The following FHIT variants were observed in gnomAD, a reference collection of about 807,000 sequenced individuals.
The protein encoded by FHIT is fragile histidine triad diadenosine triphosphatase, also known as bis(5'-adenosyl)-triphosphatase.
In FHIT, 19 loss-of-function variants were observed where a neutral mutation model predicts 17.9. The ratio of observed to expected loss-of-function variants is 1.06; its 90% CI spans 0.74 to 1.56. The LOEUF is 1.56. Among genes scored for constraint, FHIT ranks in the 40% most tolerant of loss-of-function variants. FHIT has a pLI of 0.00. For missense variants in FHIT, 248 were observed against 189.2 expected (o/e 1.31, Z -1.82); for synonymous variants, 81 against 69.7 (o/e 1.16, Z -0.81).
intron 7 of FHIT, among the ~76,000 whole-genome samples, chr3:59,952,241 C>G (rs1056586526): frequency 6.6e-6 from 1 of 152,104 alleles, no homozygotes; most frequent in Non-Finnish European, 1.5e-5. Flanking sequence ...TTATGTAACA[C>G]CTCTTTCCTG....
At chr3:59,952,404 G>C (rs1188880168) in intron 7 of FHIT, among the ~76,000 whole-genome samples, 5 of 150,992 alleles carry the variant, frequency 3.3e-5, no homozygotes, top group African/African-American at 1.2e-4. Flanking sequence ...CCCACTCCCA[G>C]TCAGCCATCT....
chr3:59,775,377 A>T (rs1274722697), intron 8 of FHIT, among the ~76,000 whole-genome samples: 1 of 152,188 alleles, frequency 6.6e-6, no homozygotes, highest in Non-Finnish European at 1.5e-5. Flanking sequence ...AAGGTCTGAA[A>T]ATCTAGTTGT....
chr3:60,752,127 G>T (rs1553717003), intron 4 of FHIT, among the ~76,000 whole-genome samples: 2 of 152,136 alleles, frequency 1.3e-5, no homozygotes, highest in Non-Finnish European at 2.9e-5. Context: ...GTATTCCATA[G>T]TCTTCAAATT....
At chr3:59,882,288 A>G (rs557278629) in intron 8 of FHIT, among the ~76,000 whole-genome samples, 41 of 152,318 alleles carry the variant, frequency 2.7e-4, no homozygotes, top group Non-Finnish European at 4.4e-4. Flanking sequence ...TAAAGTTAAT[A>G]TCGTTTATGA....
chr3:59,893,770 A>C (rs1391175360), intron 8 of FHIT, among the ~76,000 whole-genome samples: 1 of 152,218 alleles, frequency 6.6e-6, no homozygotes, highest in Non-Finnish European at 1.5e-5. Context: ...CGTCCACAGC[A>C]GCCCCATGAT....
intron 5 of FHIT, among the ~76,000 whole-genome samples, chr3:60,101,289 G>C (rs1039740673): frequency 3.3e-5 from 5 of 152,232 alleles, no homozygotes; most frequent in Admixed American, 3.3e-4. Flanking sequence ...GCACTGTACA[G>C]ATGGCCATGT....
At chr3:60,421,968 T>A (rs998178199) in intron 5 of FHIT, among the ~76,000 whole-genome samples, 2 of 152,044 alleles carry the variant, frequency 1.3e-5, no homozygotes, top group Non-Finnish European at 2.9e-5. Context: ...GAGGCAAAGG[T>A]AAAAGATTAG....
intron 5 of FHIT, among the ~76,000 whole-genome samples, chr3:60,522,358 C>T (rs892492106): frequency 2.0e-5 from 3 of 152,154 alleles, no homozygotes; most frequent in South Asian, 2.1e-4. Flanking sequence ...TGATCACCTG[C>T]CTCAGCCTCC....
chr3:59,836,613 A>G (rs928556587), intron 8 of FHIT, among the ~76,000 whole-genome samples: 2 of 152,198 alleles, frequency 1.3e-5, no homozygotes, highest in Non-Finnish European at 2.9e-5. Context: ...TAGGAGTGTC[A>G]TTAGAAATCA....
chr3:59,951,363 C>T (rs369503711), intron 7 of FHIT, among the ~76,000 whole-genome samples: 2 of 152,190 alleles, frequency 1.3e-5, no homozygotes, highest in South Asian at 2.1e-4. Flanking sequence ...TACACCAACA[C>T]TCAGGGTCAT....
At chr3:60,271,690 C>G (rs1193423065) in intron 5 of FHIT, among the ~76,000 whole-genome samples, 2 of 152,148 alleles carry the variant, frequency 1.3e-5, no homozygotes, top group African/African-American at 2.4e-5. Flanking sequence ...ACATCACTGT[C>G]ATAAAAAAGT....
chr3:59,986,514 T>TTTATACATTTATATAA (rs1559523282), intron 7 of FHIT, among the ~76,000 whole-genome samples: 799 of 22,708 alleles, frequency 0.035, 76 homozygotes, highest in East Asian at 0.12. Context: ...TATATATATA[T>TTTATACATTTATATAA]ATATATATAT....
intron 2 of FHIT, among the ~76,000 whole-genome samples, chr3:61,042,702 T>C (rs1309407656): frequency 1.3e-5 from 2 of 151,832 alleles, no homozygotes; most frequent in African/African-American, 4.8e-5. Flanking sequence ...TAGCTAGGTG[T>C]GGTCGTGGGT....
At chr3:60,371,982 G>A (rs1458127432) in intron 5 of FHIT, among the ~76,000 whole-genome samples, 1 of 152,006 alleles carries the variant, frequency 6.6e-6, no homozygotes, top group Non-Finnish European at 1.5e-5. Context: ...GGTCCTGCTA[G>A]TGACACTTCC....
chr3:61,178,308 C>G (rs759693405), intron 2 of FHIT, among the ~76,000 whole-genome samples: 27 of 151,888 alleles, frequency 1.8e-4, no homozygotes, highest in Admixed American at 7.2e-4. Flanking sequence ...GGAGGCTTAT[C>G]AAGGCTAAAG....
At chr3:60,701,790 G>A (rs1002055824) in intron 4 of FHIT, among the ~76,000 whole-genome samples, 19 of 152,156 alleles carry the variant, frequency 1.2e-4, no homozygotes, top group African/African-American at 4.6e-4. Flanking sequence ...TATAAAGGCA[G>A]TCTAGTCCCC....
chr3:60,394,861 C>T (rs1701372686), intron 5 of FHIT, among the ~76,000 whole-genome samples: 1 of 152,172 alleles, frequency 6.6e-6, no homozygotes, highest in Non-Finnish European at 1.5e-5. Flanking sequence ...GAGAGTTCAT[C>T]TGCAGCCGTG....
intron 5 of FHIT, among the ~76,000 whole-genome samples, chr3:60,273,822 A>C (rs915315895): frequency 2.0e-5 from 3 of 152,190 alleles, no homozygotes; most frequent in Admixed American, 6.5e-5. Context: ...GTCTTCCTGA[A>C]GGACAGATTG....
chr3:60,987,630 C>G (rs533580587), intron 3 of FHIT, among the ~76,000 whole-genome samples: 1 of 152,312 alleles, frequency 6.6e-6, no homozygotes, highest in African/African-American at 2.4e-5. Context: ...CTTCACACCT[C>G]TATATTTCTG....
Sources: allele counts gnomAD v4.1 joint callset (sites outside exome capture counted in the v4.1 genomes callset), GRCh38; gene constraint gnomAD v4.1.1; transcripts MANE v1.5; gene names NCBI Gene and HGNC (gene_info 2026-07-23, HGNC 2026-07-21).